The following OPCML variants were observed in gnomAD, a reference collection of about 807,000 sequenced individuals.
OPCML encodes opioid-binding protein/cell adhesion molecule.
In OPCML, 13 loss-of-function variants were observed where a neutral mutation model predicts 37.8. That is an observed-to-expected ratio of 0.34 (90% CI 0.22 to 0.55). The LOEUF is 0.55. Among genes scored for constraint, OPCML ranks in the 20% least tolerant of loss-of-function variants. The pLI, the probability that OPCML is intolerant of heterozygous loss-of-function variation, is 0.91. For synonymous variants in OPCML, 176 were observed against 168.8 expected (o/e 1.04, Z -0.33); for missense variants, 341 against 435.6 (o/e 0.78, Z 1.93).
At chr11:132,886,934 A>G (rs1943445863) in intron 2 of OPCML, among the ~76,000 whole-genome samples, 1 of 152,158 alleles carries the variant, frequency 6.6e-6, no homozygotes, top group African/African-American at 2.4e-5. Flanking sequence ...TGGAAAGAGC[A>G]CTAGCCCCAT....
intron 2 of OPCML, among the ~76,000 whole-genome samples, chr11:132,871,634 C>T (rs575278261): frequency 4.6e-5 from 7 of 152,190 alleles, no homozygotes; most frequent in Admixed American, 1.3e-4. Flanking sequence ...TGCTTAGCTT[C>T]GGTCTCCCTC....
intron 1 of OPCML, among the ~76,000 whole-genome samples, chr11:133,133,486 A>C (rs1949635470): frequency 6.6e-6 from 1 of 150,542 alleles, no homozygotes; most frequent in Non-Finnish European, 1.5e-5. Flanking sequence ...CTCATCATTT[A>C]CTCTCCTCTC....
At position 133,484,067 on chromosome 11, in the gene OPCML, TAGATAGATAGATA is replaced by T. The variant is rs1565660029; in HGVS notation, c.61+48184_61+48196del. On this transcript the variant is annotated intron_variant, in intron 1 of 7. Coordinates refer to ENST00000524381, the MANE Select transcript of OPCML (RefSeq NM_001012393.5). Reference sequence around the variant, plus strand: ...ATAGATAGATAGATAGATAGATAGATAGATAGATAGATAGATTCATAGATGAATAGATAGATTA... The same window carrying T: ...ATAGATAGATAGATAGATAGATAGATGATTCATAGATGAATAGATAGATTA... 7.6e-3 allele frequency among the ~76,000 whole-genome samples: 1,143 copies of T among 150,056 alleles called. 19 individuals carry two copies. The highest frequency in any genetic ancestry group is 0.027 in the African/African-American group (1,087 of 40,178).
intron 2 of OPCML, among the ~76,000 whole-genome samples, chr11:132,676,206 A>G (rs1191139799): frequency 1.7e-4 from 26 of 152,138 alleles, no homozygotes; most frequent in Admixed American, 1.7e-3. Flanking sequence ...ATAGTATTTT[A>G]AAGAAATGGT....
At position 133,208,387 on chromosome 11, in the gene OPCML, G is replaced by C. The variant is rs1216149508; in HGVS notation, c.62-265377C>G. Among the ~76,000 whole-genome samples, 1 of 152,190 alleles carries C rather than the reference G, an allele frequency of 6.6e-6. No homozygotes were observed. The highest frequency in any genetic ancestry group is 1.5e-5 in the Non-Finnish European group (1 of 68,038). On this transcript the variant is annotated intron_variant, in intron 1 of 7. Transcript: ENST00000524381. The surrounding 1 kb of genome is among the most constrained non-coding windows in gnomAD (Gnocchi z 8.9). ...CTGGGGCATGGTAGAAAGGGCCATA[G>C]GTTAGGATTTTATAACTCTCTGGAG...
At chr11:132,530,406 T>G (rs1479146253) in intron 3 of OPCML, among the ~76,000 whole-genome samples, 1 of 151,926 alleles carries the variant, frequency 6.6e-6, no homozygotes, top group Non-Finnish European at 1.5e-5. Flanking sequence ...ACGGAGATAA[T>G]TGCAATAGCC....
intron 2 of OPCML, among the ~76,000 whole-genome samples, chr11:132,705,224 G>A (rs1371027409): frequency 1.3e-5 from 2 of 150,928 alleles, no homozygotes; most frequent in Non-Finnish European, 3.0e-5. Flanking sequence ...ATTTCTCACG[G>A]ATGTTTCAGC....
At chr11:132,854,081 T>G (rs1941939001) in intron 2 of OPCML, among the ~76,000 whole-genome samples, 2 of 152,174 alleles carry the variant, frequency 1.3e-5, no homozygotes, top group Admixed American at 1.3e-4. Context: ...GACAAACAAC[T>G]ATAAATAGGG....
intron 1 of OPCML, among the ~76,000 whole-genome samples, chr11:133,240,447 G>C (rs149117584): frequency 3.3e-5 from 5 of 151,996 alleles, no homozygotes; most frequent in Non-Finnish European, 4.4e-5. Context: ...CCAGACACCC[G>C]TGTTAGAGTG....
intron 3 of OPCML, among the ~76,000 whole-genome samples, chr11:132,556,336 T>C (rs2096395589): frequency 6.6e-6 from 1 of 152,204 alleles, no homozygotes; most frequent in Non-Finnish European, 1.5e-5. Flanking sequence ...CTATCTTACT[T>C]GATTTTTTTC....
intron 2 of OPCML, among the ~76,000 whole-genome samples, chr11:132,726,334 G>A (rs1250463658): frequency 6.6e-6 from 1 of 152,074 alleles, no homozygotes; most frequent in Non-Finnish European, 1.5e-5. Context: ...AGCTTGTGCA[G>A]GGAATCTCCC....
intron 1 of OPCML, among the ~76,000 whole-genome samples, chr11:133,440,762 T>TTA (rs58808691): frequency 0.02 from 2,531 of 126,796 alleles, 168 homozygotes; most frequent in East Asian, 0.067. Context: ...CCTACAGCAA[T>TTA]TATATATATA....
chr11:133,350,426 T>C lies in OPCML; in HGVS notation c.61+181838A>G, dbSNP rs142549180. Among the ~76,000 whole-genome samples, 352 of 152,280 alleles carry C rather than the reference T, an allele frequency of 2.3e-3. 1 individual carries two copies. The highest frequency in any genetic ancestry group is 8.0e-3 in the African/African-American group (332 of 41,574). On this transcript the variant is annotated intron_variant, in intron 1 of 7. Coordinates refer to ENST00000524381, the MANE Select transcript of OPCML (RefSeq NM_001012393.5). ...TCCAGACTTTCTTCCCTGCTTGAAG[T>C]TGAAAACATCAGTAAGATGTGAGAA...
chr11:132,452,922 C>T lies in OPCML; in HGVS notation c.506-15563G>A, dbSNP rs368982582. On this transcript the variant is annotated intron_variant, in intron 4 of 7. Transcript: ENST00000524381. ...ATAATAGGTGTCATTCATATACCAC[C>T]CCTCCTCCTTTCCCCTGGACATATC... Among the ~76,000 whole-genome samples, 28 of 152,206 alleles carry T rather than the reference C, an allele frequency of 1.8e-4. No individual in the cohort carries two copies. The South Asian group carries it at 5.4e-3, about 29-fold the overall frequency.
intron 1 of OPCML, among the ~76,000 whole-genome samples, chr11:133,230,961 C>T (rs1014907349): frequency 6.6e-6 from 1 of 152,184 alleles, no homozygotes; most frequent in Non-Finnish European, 1.5e-5. Flanking sequence ...TGCCACCTCT[C>T]ATAACCAGGG....
At chr11:132,842,393 G>C (rs768107184) in intron 2 of OPCML, among the ~76,000 whole-genome samples, 4 of 152,174 alleles carry the variant, frequency 2.6e-5, no homozygotes, top group Non-Finnish European at 4.4e-5. Flanking sequence ...CAGCAGCTCT[G>C]GCCACAGCCT....
At chr11:133,339,941 A>G (rs920360424) in intron 1 of OPCML, among the ~76,000 whole-genome samples, 7 of 152,234 alleles carry the variant, frequency 4.6e-5, no homozygotes, top group Admixed American at 2.6e-4. Context: ...ATCCTGTAAA[A>G]GAAAATGAAC....
chr11:133,132,747 G>GA (rs1949625020), intron 1 of OPCML, among the ~76,000 whole-genome samples: 1 of 150,492 alleles, frequency 6.6e-6, no homozygotes, highest in Non-Finnish European at 1.5e-5. Flanking sequence ...AAAGGAGCCA[G>GA]AAAAAACAAG....
At chr11:133,462,160 A>T (rs1041920221) in intron 1 of OPCML, among the ~76,000 whole-genome samples, 7 of 152,156 alleles carry the variant, frequency 4.6e-5, no homozygotes, top group African/African-American at 1.7e-4. Context: ...AAAAAATAAA[A>T]TAAATTATAA....
Sources: gnomAD v4.1 joint callset for allele counts (sites outside exome capture counted in the v4.1 genomes callset) on GRCh38, gnomAD v4.1.1 for gene constraint, Gnocchi (gnomAD v3.1) non-coding constraint, MANE v1.5 for transcripts, NCBI Gene and HGNC (gene_info 2026-07-23, HGNC 2026-07-21) for gene names.